OTOF: variants seen among roughly 807,000 people sequenced by gnomAD.
OTOF encodes the protein fer-1-like family member 2.
In OTOF, 218 loss-of-function variants were observed where a neutral mutation model predicts 236.8. The ratio of observed to expected loss-of-function variants is 0.92; its 90% CI spans 0.82 to 1.03. The LOEUF (loss-of-function observed/expected upper bound fraction) is 1.03, where lower values mean the gene tolerates loss of function less well. Ranked by LOEUF, OTOF falls within the 50% of genes least tolerant of loss-of-function variation. OTOF has a pLI of 0.00. For synonymous variants in OTOF, 1,041 were observed against 1,072.5 expected, an observed-to-expected ratio of 0.97 and a Z score of 0.57; for missense variants, 2,590 against 2,694.4, an observed-to-expected ratio of 0.96 and a Z score of 0.86.
Position 26,494,971 on chromosome 2 carries a change from C to G in OTOF, c.868G>C (p.Glu290Gln). 1 of 1,614,176 alleles carries G rather than the reference C, an allele frequency of 6.2e-7. No individual in the cohort carries two copies. Among genetic ancestry groups the G allele is most frequent in the Non-Finnish European group, 8.5e-7 (1 of 1,180,022 alleles). The change falls in exon 9 of 47, where the codon GAG becomes CAG. Residue 290 changes from glutamate (E) to glutamine (Q), a missense_variant. Glu to Gln is a conservative substitution (Grantham distance 29). Around this residue, in one of 2 missense-constraint regions of OTOF, gnomAD observed 1,379 missense variants for 1,341.6 expected, o/e 1.03. Transcript: ENST00000272371. ...GDDKKYTSMKESTNCPYYNEY... is the reference protein window; with the variant it reads ...GDDKKYTSMKQSTNCPYYNEY... ...TTGTAATAGGGGCAGTTAGTGGACT[C>G]CTTCATGGATGTGTACTTCTTGTCG...
At chr2:26,544,017 A>C (rs1667268790) in intron 1 of OTOF, among the ~76,000 whole-genome samples, 1 of 152,220 alleles carries the variant, frequency 6.6e-6, no homozygotes, top group Non-Finnish European at 1.5e-5. Flanking sequence ...CACTGCGCCC[A>C]GCTTGCTTGT....
rs571671530 is a variant in OTOF, at chr2:26,467,360, C to T, written c.4227+5G>A. ...CCCTAGAAGGGTCTGCTCCTAGGCT[C>T]TCACCTTAAGCTCATCAATCTTGGG... On this transcript the variant is annotated splice_donor_5th_base_variant and intron_variant, in intron 34 of 46. Transcript: ENST00000272371. 1.9e-6 allele frequency: 3 copies of T among 1,613,864 alleles called. No individual in the cohort carries two copies. The highest frequency in any genetic ancestry group is 1.7e-5 in the Admixed American group (1 of 60,022).
Position 26,477,297 on chromosome 2 carries a change from G to C in OTOF, c.2407-9C>G. 1 of 1,608,544 alleles carries C rather than the reference G, an allele frequency of 6.2e-7. No individual in the cohort carries two copies. Among genetic ancestry groups the C allele is most frequent in the Non-Finnish European group, 8.5e-7 (1 of 1,178,184 alleles). On this transcript the variant is annotated splice_polypyrimidine_tract_variant and intron_variant, in intron 20 of 46. Transcript: ENST00000272371. This position sits in a 1 kb window ranked among gnomAD's most constrained non-coding sequence, Gnocchi z 4.7. ...TGCTGCCCCATGTTTTCCTGCGAAG[G>C]AGGGGGTGTCAGTGAACCCAGCAAC...
intron 1 of OTOF, among the ~76,000 whole-genome samples, chr2:26,544,439 C>A (rs987972377): frequency 6.6e-6 from 1 of 152,160 alleles, no homozygotes; most frequent in Admixed American, 6.5e-5. Context: ...ACAGAATGTA[C>A]TTTTTGTGTG....
chr2:26,482,782 C>T (rs376614532), intron 13 of OTOF, among the ~76,000 whole-genome samples, 190 bp from the exon 14 acceptor site: 127 of 83,346 alleles, frequency 1.5e-3, no homozygotes, highest in Admixed American at 2.3e-3. Context: ...GGTGCGCGTG[C>T]GTGTGTGAGT....
rs1403656901 is a variant in OTOF, at chr2:26,461,654, C to T, written c.5533+42G>A. On this transcript the variant is annotated intron_variant, in intron 43 of 46. Transcript: ENST00000272371. This position sits in a 1 kb window ranked among gnomAD's most constrained non-coding sequence, Gnocchi z 6.2. ...CGCCAACCCGGCCCCTGCCTCTTCT[C>T]AGTTCTGGATCCTGAACCCCCATCC... 1.2e-6 allele frequency: 2 copies of T among 1,611,378 alleles called. No individual in the cohort carries two copies. Among genetic ancestry groups the T allele is most frequent in the African/African-American group, 2.7e-5 (2 of 74,888 alleles).
intron 11 of OTOF, among the ~76,000 whole-genome samples, chr2:26,486,860 G>A (rs1003161998): frequency 6.6e-6 from 1 of 152,190 alleles, no homozygotes; most frequent in Admixed American, 6.5e-5. Context: ...TGAGCTATAT[G>A]CTTACCAGCC....
Position 26,479,178 on chromosome 2 carries a change from C to T in OTOF, c.2214+86G>A, listed in dbSNP as rs993992860. 1.2e-5 allele frequency: 19 copies of T among 1,527,622 alleles called. No individual in the cohort carries two copies. In the African/African-American group the frequency reaches 2.3e-4, roughly 19 times the overall value. 94.6% of individuals were successfully genotyped at this position (1,527,622 alleles called of 1,614,324 possible). Reference sequence around the variant, plus strand: ...CGTTCCTGCAGCCCCCTGGGCAGACCAGCTTTGTGTGTTCCAGGGAAGGCC... The same window carrying T: ...CGTTCCTGCAGCCCCCTGGGCAGACTAGCTTTGTGTGTTCCAGGGAAGGCC... On this transcript the variant is annotated intron_variant, in intron 18 of 46. Transcript: ENST00000272371.
At chr2:26,463,081 G>A (rs1664556333) in intron 41 of OTOF, among the ~76,000 whole-genome samples, 1 of 152,164 alleles carries the variant, frequency 6.6e-6, no homozygotes, top group African/African-American at 2.4e-5. Flanking sequence ...CAGGGGTTCT[G>A]TGTGTTGTGA....
intron 1 of OTOF, among the ~76,000 whole-genome samples, chr2:26,538,949 G>T (rs545875057): frequency 2.6e-5 from 4 of 152,036 alleles, no homozygotes; most frequent in Admixed American, 6.6e-5. Flanking sequence ...GAGTAACTGG[G>T]ATTACAGGCG....
intron 1 of OTOF, among the ~76,000 whole-genome samples, chr2:26,546,289 C>T (rs183383680): frequency 6.6e-6 from 1 of 152,062 alleles, no homozygotes; most frequent in East Asian, 1.9e-4. Context: ...GGTGAAACCT[C>T]GTCTCTACTG....
chr2:26,496,394 C>T (rs1157302760), intron 8 of OTOF, among the ~76,000 whole-genome samples: 1 of 150,618 alleles, frequency 6.6e-6, no homozygotes, highest in African/African-American at 2.5e-5. Context: ...GCCACCCCGC[C>T]CGGCTAATTT....
rs770588695 is a variant in OTOF, at chr2:26,476,017, C to G, written c.2888G>C (p.Arg963Pro). ...VYTKKQAFQLRAHMYQARSLF... is the reference protein window; with the variant it reads ...VYTKKQAFQLPAHMYQARSLF... ...GCTGCGGGCCTGGTACATGTGCGCT[C>G]GGAGCTGGAACGCCTGCTTCTCTGT... The change falls in exon 24 of 47, where the codon CGA (arginine) becomes CCA (proline). Residue 963 changes from arginine to proline, a missense_variant. Transcript: ENST00000272371. 3 of 1,612,536 alleles carry G rather than the reference C, an allele frequency of 1.9e-6. No individual in the cohort carries two copies. In the African/African-American group the frequency reaches 4.0e-5, roughly 22 times the overall value.
chr2:26,471,114 C>T lies in OTOF; in HGVS notation c.3894+7G>A. ...CCCCAGAGCCCCTGCATGGCCCCCACACTCACCACATCCACCTTGACAACA... is the reference window on the plus strand; with the variant it reads ...CCCCAGAGCCCCTGCATGGCCCCCATACTCACCACATCCACCTTGACAACA... On this transcript the variant is annotated splice_region_variant and intron_variant, in intron 31 of 46. Coordinates refer to ENST00000272371, the MANE Select transcript of OTOF (RefSeq NM_194248.3). The T allele has an allele frequency of 6.2e-7, 1 of 1,614,114 alleles. No individual in the cohort carries two copies. The highest frequency in any genetic ancestry group is 8.5e-7 in the Non-Finnish European group (1 of 1,179,990).
chr2:26,514,664 C>G (rs551375041), intron 5 of OTOF, among the ~76,000 whole-genome samples: 1 of 152,330 alleles, frequency 6.6e-6, no homozygotes, highest in East Asian at 1.9e-4. Context: ...ATGTAACTTG[C>G]TGAACCCATT....
chr2:26,474,596 A>C lies in OTOF; in HGVS notation c.3205T>G (p.Phe1069Val), dbSNP rs1665165550. The stretch of plus-strand genomic sequence containing the variant: ...TGGTAGTACTCGAGCTGAGGTGGGA[A>C]GCGGGGTGGGCAGTACGCCTCGTCT... ...MADEAYCPPR[F>V]PPQLEYYQIY... Residue 1069 changes from phenylalanine to valine, a missense_variant, in exon 26 of 47, where the codon TTC (phenylalanine) becomes GTC (valine). Coordinates refer to ENST00000272371, the MANE Select transcript of OTOF (RefSeq NM_194248.3). The C allele has an allele frequency of 1.4e-5, 22 of 1,613,266 alleles. No homozygotes were observed. The highest frequency in any genetic ancestry group is 2.2e-5 in the East Asian group (1 of 44,876).
Position 26,514,528 on chromosome 2 carries a change from C to T in OTOF, c.509+1890G>A, listed in dbSNP as rs542773880. Among the ~76,000 whole-genome samples, 5 of 152,372 alleles carry T rather than the reference C, an allele frequency of 3.3e-5. No individual in the cohort carries two copies. The South Asian group carries it at 6.2e-4, about 19-fold the overall frequency. ...GTGAGAAACTGGCTCTGTGTTGCTA[C>T]GCCACCCCAGGGAGGTTGCCTTCGT... On this transcript the variant is annotated intron_variant, in intron 5 of 46. Coordinates refer to ENST00000272371, the MANE Select transcript of OTOF (RefSeq NM_194248.3).
In OTOF at chr2:26,475,532, A is replaced by G. The variant is rs535713546; in HGVS notation, c.2992-39T>C. The stretch of plus-strand genomic sequence containing the variant: ...TGGGGAGACAGGGGACAAGTGACAG[A>G]GGGGGGGGCAGATGCACAAACAGAA... On this transcript the variant is annotated intron_variant, in intron 24 of 46. Coordinates refer to ENST00000272371, the MANE Select transcript of OTOF (RefSeq NM_194248.3). The G allele has an allele frequency of 2.4e-4, 386 of 1,597,690 alleles. No homozygotes were observed. The East Asian group carries it at 3.4e-3, about 14-fold the overall frequency.
chr2:26,482,937 G>A lies in OTOF; in HGVS notation c.1393-345C>T, dbSNP rs1057046672. Reference sequence around the variant, plus strand: ...TGTGCGTGTGAGTGGGTGCATGTATGTATTCGTGGGTGCATGTGTGCACGT... The same window carrying A: ...TGTGCGTGTGAGTGGGTGCATGTATATATTCGTGGGTGCATGTGTGCACGT... On this transcript the variant is annotated intron_variant, in intron 13 of 46. Transcript: ENST00000272371. 2.0e-5 allele frequency among the ~76,000 whole-genome samples: 3 copies of A among 150,816 alleles called. No individual in the cohort carries two copies. The East Asian group carries it at 5.9e-4, about 30-fold the overall frequency.
Sources: gnomAD v4.1 joint callset for allele counts (sites outside exome capture counted in the v4.1 genomes callset) on GRCh38, gnomAD v4.1.1 for gene constraint, gnomAD v4.1.1 regional missense constraint, Gnocchi (gnomAD v3.1) non-coding constraint, MANE v1.5 for transcripts, NCBI Gene and HGNC (gene_info 2026-07-23, HGNC 2026-07-21) for gene names.